GABPB2: variants seen among roughly 807,000 people sequenced by gnomAD.
The protein encoded by GABPB2 is GA binding protein transcription factor subunit beta 2.
A neutral mutation model predicts 39.1 loss-of-function variants in GABPB2; 23 were observed. That is an observed-to-expected ratio of 0.59 (90% CI 0.42 to 0.83). The LOEUF is 0.83. Among genes scored for constraint, GABPB2 ranks in the 40% least tolerant of loss-of-function variants. The probability of loss-of-function intolerance (pLI) is 0.00; values close to 1 mark genes in which losing one functional copy is unlikely to be tolerated. For missense variants in GABPB2, 467 were observed against 541.1 expected, an observed-to-expected ratio of 0.86 and a Z score of 1.36; for synonymous variants, 184 against 199.3, an observed-to-expected ratio of 0.92 and a Z score of 0.65.
chr1:151,073,460 A>C (rs1327066522), intron 1 of GABPB2, among the ~76,000 whole-genome samples: 1 of 152,184 alleles, frequency 6.6e-6, no homozygotes, highest in Admixed American at 6.6e-5. Flanking sequence ...ATCAGGCTTC[A>C]TCTCTTGTCT....
chr1:151,116,692 C>G (rs1227162530), intron 7 of GABPB2, among the ~76,000 whole-genome samples: 1 of 152,100 alleles, frequency 6.6e-6, no homozygotes, highest in South Asian at 2.1e-4. Context: ...ACTACGGCCT[C>G]AACTTCCCAG....
At chr1:151,107,250 T>G in intron 7 of GABPB2, 28 bp downstream of exon 7, 4 of 1,423,796 alleles carry the variant, frequency 2.8e-6, no homozygotes, top group Non-Finnish European at 3.7e-6. Flanking sequence ...GACAATTGTT[T>G]ATTAAAAGAT....
At chr1:151,098,079 A>G in intron 5 of GABPB2, 77 bp downstream of exon 5, 1 of 1,246,294 alleles carries the variant, frequency 8.0e-7, no homozygotes, top group Non-Finnish European at 1.2e-6. Flanking sequence ...AGATGAATGG[A>G]TACCCTTTCT....
chr1:151,088,586 G>C lies in GABPB2; in HGVS notation c.108+289G>C. The C allele has an allele frequency of 8.2e-6, 4 of 489,784 alleles. No individual in the cohort carries two copies. In the South Asian group the frequency reaches 8.2e-5, roughly 10 times the overall value. The allele number at this position is 489,784 out of a possible 1,614,324, so 30.3% of individuals were successfully genotyped here. ...TTCTAAAGGTTTAACTGTCTCTGGA[G>C]TGTACTTGGGTTATAGGCTTCTGTA... On this transcript the variant is annotated intron_variant, in intron 2 of 8. Transcript: ENST00000368918.
At chr1:151,078,096 T>G (rs12039542) in intron 1 of GABPB2, among the ~76,000 whole-genome samples, 1 of 150,976 alleles carries the variant, frequency 6.6e-6, no homozygotes, top group African/African-American at 2.4e-5. Flanking sequence ...CATGGTGAAA[T>G]CCTGTCTCTA....
intron 3 of GABPB2, among the ~76,000 whole-genome samples, chr1:151,092,316 A>G (rs1678784041): frequency 6.6e-6 from 1 of 151,660 alleles, no homozygotes; most frequent in South Asian, 2.1e-4. Flanking sequence ...CATGTTGGCC[A>G]GGATGGTCTA....
At chr1:151,111,185 C>T (rs587599288) in intron 7 of GABPB2, among the ~76,000 whole-genome samples, 5 of 152,050 alleles carry the variant, frequency 3.3e-5, no homozygotes, top group African/African-American at 9.6e-5. Context: ...TCATGACTTA[C>T]GGCAGTCTTG....
chr1:151,110,203 C>T (rs997219892), intron 7 of GABPB2, among the ~76,000 whole-genome samples: 2 of 150,986 alleles, frequency 1.3e-5, no homozygotes, highest in Admixed American at 6.6e-5. Flanking sequence ...CTATGTTGCC[C>T]GTGTTGGGAT....
At chr1:151,084,276 G>T (rs1677980510) in intron 1 of GABPB2, among the ~76,000 whole-genome samples, 1 of 151,692 alleles carries the variant, frequency 6.6e-6, no homozygotes, top group Non-Finnish European at 1.5e-5. Flanking sequence ...TCAGGCTGGA[G>T]TGCAATGGCG....
At chr1:151,085,550 C>G (rs779131518) in intron 1 of GABPB2, among the ~76,000 whole-genome samples, 2 of 152,126 alleles carry the variant, frequency 1.3e-5, no homozygotes, top group Non-Finnish European at 2.9e-5. Flanking sequence ...ACACCATTCT[C>G]CTGCCTCAGC....
rs760617296 is a variant in GABPB2, at chr1:151,090,570, T to A, written c.273T>A (p.Val91=). 59 of 1,613,468 alleles carry A rather than the reference T, an allele frequency of 3.7e-5. 1 individual carries two copies. Among genetic ancestry groups the A allele is most frequent in the Non-Finnish European group, 4.8e-5 (57 of 1,179,674 alleles). ...ATGCGCACATCGTGGAACTGCTTGTTCGGGTAAAGCAAGAATAGGGGCAAG... is the reference window on the plus strand; with the variant it reads ...ATGCGCACATCGTGGAACTGCTTGTACGGGTAAAGCAAGAATAGGGGCAAG... ...DGHAHIVELL[V]RNGADVNAKD... Residue 91 remains valine (V), a synonymous_variant, in exon 3 of 9, where the codon GTT becomes GTA. Transcript: ENST00000368918.
At chr1:151,091,545 G>T (rs909250547) in intron 3 of GABPB2, among the ~76,000 whole-genome samples, 4 of 146,088 alleles carry the variant, frequency 2.7e-5, no homozygotes, top group Non-Finnish European at 6.0e-5. Context: ...CACAATCTTG[G>T]CTCATTGTAA....
At chr1:151,110,005 ATTTTTTTTTTTTTTTTTT>A (rs71577269) in intron 7 of GABPB2, among the ~76,000 whole-genome samples, 3 of 60,706 alleles carry the variant, frequency 4.9e-5, no homozygotes, top group Non-Finnish European at 6.9e-5. Flanking sequence ...TGCCCAGCTA[ATTTTTTTTTTTTTTTTTT>A]TTTTTTTTTT....
intron 7 of GABPB2, among the ~76,000 whole-genome samples, chr1:151,108,655 C>T (rs1353338384): frequency 6.6e-6 from 1 of 152,132 alleles, no homozygotes; most frequent in East Asian, 1.9e-4. Flanking sequence ...TTCCACGCCA[C>T]CATGCCCAGC....
intron 5 of GABPB2, among the ~76,000 whole-genome samples, chr1:151,102,231 G>A (rs944350235): frequency 3.3e-5 from 5 of 152,166 alleles, no homozygotes; most frequent in Non-Finnish European, 7.3e-5. Context: ...TGAGATAGGA[G>A]AAGCGCTTGA....
chr1:151,094,425 G>A (rs1244720259), intron 4 of GABPB2, among the ~76,000 whole-genome samples: 2 of 145,236 alleles, frequency 1.4e-5, no homozygotes, highest in African/African-American at 2.6e-5. Flanking sequence ...GCAATGGCAC[G>A]ATCTCGGCTC....
chr1:151,112,863 C>T (rs923270463), intron 7 of GABPB2: 1 of 152,214 alleles, frequency 6.6e-6, no homozygotes, highest in Non-Finnish European at 1.5e-5. Context: ...CTCTGCCTCC[C>T]AGGTTCAAGT....
chr1:151,077,003 C>T (rs965109711), intron 1 of GABPB2, among the ~76,000 whole-genome samples: 1 of 151,706 alleles, frequency 6.6e-6, no homozygotes, highest in African/African-American at 2.4e-5. Context: ...CTGTGTTAGC[C>T]AGGATGGTCT....
rs1679229164 is a variant in GABPB2 at position 151,097,982 on chromosome 1, C to G, written c.602C>G (p.Thr201Ser). The part of the protein sequence containing the change: ...VVNLASLISS[T>S]NTKTTSGDPH... Reference sequence around the variant, plus strand: ...AACCTCGCAAGCCTTATTTCTTCAACCAACACCAAAACAACCTCAGGTAAT... The same window carrying G: ...AACCTCGCAAGCCTTATTTCTTCAAGCAACACCAAAACAACCTCAGGTAAT... Residue 201 changes from threonine (T) to serine (S), a missense_variant, in exon 5 of 9, where the codon ACC (threonine) becomes AGC (serine). Physicochemically the swap from Thr to Ser is moderately conservative, Grantham distance 58. Coordinates refer to ENST00000368918, the MANE Select transcript of GABPB2 (RefSeq NM_144618.3). The G allele has an allele frequency of 6.2e-6, 10 of 1,613,886 alleles. No individual in the cohort carries two copies. The highest frequency in any genetic ancestry group is 8.5e-6 in the Non-Finnish European group (10 of 1,179,984).
Sources: gnomAD v4.1 joint callset for allele counts (sites outside exome capture counted in the v4.1 genomes callset) on GRCh38, gnomAD v4.1.1 for gene constraint, MANE v1.5 for transcripts, NCBI Gene and HGNC (gene_info 2026-07-23, HGNC 2026-07-21) for gene names.